The following NT5C2 variants were observed in gnomAD, a reference collection of about 807,000 sequenced individuals.
The protein encoded by NT5C2 is 5'-nucleotidase, cytosolic II, also known as cytosolic purine 5'-nucleotidase.
A neutral mutation model predicts 76.1 loss-of-function variants in NT5C2; 58 were observed. The ratio of observed to expected loss-of-function variants is 0.76; its 90% CI spans 0.62 to 0.95. The LOEUF (loss-of-function observed/expected upper bound fraction) is 0.95, where lower values mean the gene tolerates loss of function less well. NT5C2 is among the 40% of genes least tolerant of loss of function. The pLI, the probability that NT5C2 is intolerant of heterozygous loss-of-function variation, is 0.00. For synonymous variants in NT5C2, 229 were observed against 237.4 expected (o/e 0.96, Z 0.32); for missense variants, 478 against 690.3 (o/e 0.69, Z 3.45).
At chr10:103,185,595 C>G (rs894207210) in intron 1 of NT5C2, among the ~76,000 whole-genome samples, 2 of 138,746 alleles carry the variant, frequency 1.4e-5, no homozygotes, top group Non-Finnish European at 3.0e-5. Flanking sequence ...TTGCGTGAGC[C>G]AAGATCGCAC....
intron 3 of NT5C2, chr10:103,146,033 A>T (rs2081414400): frequency 1.0e-6 from 1 of 984,564 alleles, no homozygotes; most frequent in African/African-American, 1.7e-5. Context: ...GTATTACCTC[A>T]TCTGTCACTG....
chr10:103,158,817 T>TAA (rs201330746), intron 3 of NT5C2, among the ~76,000 whole-genome samples: 2 of 125,016 alleles, frequency 1.6e-5, no homozygotes, highest in African/African-American at 2.9e-5. Flanking sequence ...GACTCTTATC[T>TAA]AAAAAAAAAA....
chr10:103,148,455 G>A (rs2081874021), intron 3 of NT5C2, among the ~76,000 whole-genome samples: 1 of 152,222 alleles, frequency 6.6e-6, no homozygotes, highest in East Asian at 1.9e-4. Flanking sequence ...AAAAAAATTA[G>A]CCGGGCATGG....
At chr10:103,141,137 A>C (rs982415031) in intron 3 of NT5C2, among the ~76,000 whole-genome samples, 1 of 152,230 alleles carries the variant, frequency 6.6e-6, no homozygotes, top group African/African-American at 2.4e-5. Flanking sequence ...CTTCTCATTT[A>C]AATACCAATA....
At chr10:103,121,682 C>T (rs1193042827) in intron 4 of NT5C2, among the ~76,000 whole-genome samples, 1 of 152,134 alleles carries the variant, frequency 6.6e-6, no homozygotes, top group Non-Finnish European at 1.5e-5. Context: ...CCCCGGTACT[C>T]TTAACAGCTT....
chr10:103,098,417 C>T (rs536842115), intron 10 of NT5C2: 12 of 205,586 alleles, frequency 5.8e-5, no homozygotes, highest in African/African-American at 2.9e-4. Flanking sequence ...CATATATGCA[C>T]ATTTTTGAGA....
chr10:103,093,816 C>T lies in NT5C2; in HGVS notation c.988+156G>A, dbSNP rs568352986. 9 of 591,270 alleles carry T rather than the reference C, an allele frequency of 1.5e-5. No homozygotes were observed. The South Asian group carries it at 2.1e-4, about 14-fold the overall frequency. The allele number at this position is 591,270 out of a possible 1,614,324, so 36.6% of individuals were successfully genotyped here. A position where few individuals can be genotyped will look rare whatever the true frequency, so the allele number is the denominator to read the frequency against. On this transcript the variant is annotated intron_variant, in intron 14 of 18. Coordinates refer to ENST00000404739, the MANE Select transcript of NT5C2 (RefSeq NM_001351169.2). Reference sequence around the variant, plus strand: ...ATACTAACAACTGCTCAAACCCAGACTCCTATTGCATTAAGAGGTGACTAA... The same window carrying T: ...ATACTAACAACTGCTCAAACCCAGATTCCTATTGCATTAAGAGGTGACTAA...
chr10:103,094,247 T>G (rs915662679), intron 13 of NT5C2, 101 bp downstream of exon 13: 7 of 671,806 alleles, frequency 1.0e-5, no homozygotes, highest in Admixed American at 9.3e-5. Context: ...TACGGCTAAT[T>G]AAAAAAAAAA....
At chr10:103,178,373 C>T (rs1051819782) in intron 2 of NT5C2, among the ~76,000 whole-genome samples, 5 of 151,890 alleles carry the variant, frequency 3.3e-5, no homozygotes, top group African/African-American at 1.2e-4. Flanking sequence ...GGCAAAAACC[C>T]ATCTCTACAA....
At chr10:103,188,545 T>C (rs752793151) in intron 1 of NT5C2, among the ~76,000 whole-genome samples, 2 of 152,182 alleles carry the variant, frequency 1.3e-5, no homozygotes, top group Non-Finnish European at 2.9e-5. Context: ...TGGGATTCAC[T>C]TTCCCCATCT....
chr10:103,149,308 G>A (rs990463066), intron 3 of NT5C2, among the ~76,000 whole-genome samples: 18 of 152,128 alleles, frequency 1.2e-4, no homozygotes, highest in Non-Finnish European at 1.5e-5. Context: ...TGATAATGCA[G>A]ACTCTCTTTC....
At chr10:103,129,483 C>A (rs1443310677) in intron 4 of NT5C2, among the ~76,000 whole-genome samples, 7 of 109,012 alleles carry the variant, frequency 6.4e-5, no homozygotes, top group Non-Finnish European at 7.8e-5. Context: ...ATGGGGGGGT[C>A]AGCCCCCCCA....
rs1239145078 is a variant in NT5C2, at chr10:103,189,997, C to CTTT, written c.-169+3236_-169+3238dup. Among the ~76,000 whole-genome samples the CTTT allele has an allele frequency of 2.2e-3, 237 of 107,992 alleles. 6 individuals carry two copies. Among genetic ancestry groups the CTTT allele is most frequent in the East Asian group, 0.011 (41 of 3,628 alleles). The allele number at this position is 107,992 out of a possible 152,430, so 70.8% of individuals were successfully genotyped here. A position where few individuals can be genotyped will look rare whatever the true frequency, so the allele number is the denominator to read the frequency against. Reference sequence around the variant, plus strand: ...TTTGCCGCATTAATTTTGTGGCTTTCTTTTTTTTTTTTTTTTTTTTTGAGA... The same window carrying CTTT: ...TTTGCCGCATTAATTTTGTGGCTTTCTTTTTTTTTTTTTTTTTTTTTTTTGAGA... On this transcript the variant is annotated intron_variant, in intron 1 of 18. Transcript: ENST00000404739.
chr10:103,095,239 G>A (rs1308694580), intron 12 of NT5C2, among the ~76,000 whole-genome samples: 2 of 152,174 alleles, frequency 1.3e-5, no homozygotes, highest in East Asian at 3.8e-4. Context: ...CACAGTGTAA[G>A]CTAATCACAA....
intron 1 of NT5C2, among the ~76,000 whole-genome samples, chr10:103,185,780 C>A (rs551423597): frequency 8.6e-5 from 13 of 151,500 alleles, no homozygotes; most frequent in Admixed American, 7.9e-4. Flanking sequence ...TTTCCTGTTA[C>A]AAAATAATTT....
chr10:103,161,385 C>G (rs2084839895), intron 3 of NT5C2, among the ~76,000 whole-genome samples: 1 of 151,978 alleles, frequency 6.6e-6, no homozygotes, highest in Non-Finnish European at 1.5e-5. Context: ...GCTATGTTGC[C>G]CAGGCTAGTC....
chr10:103,128,066 TCCC>T (rs2077025144), intron 4 of NT5C2, among the ~76,000 whole-genome samples: 2 of 149,926 alleles, frequency 1.3e-5, no homozygotes, highest in East Asian at 2.0e-4. Flanking sequence ...CCTCTCCCTC[TCCC>T]TCTCCCTCTC....
At chr10:103,181,996 C>T (rs750368985) in intron 1 of NT5C2, among the ~76,000 whole-genome samples, 4 of 148,586 alleles carry the variant, frequency 2.7e-5, no homozygotes, top group Non-Finnish European at 5.9e-5. Context: ...GGCAACAGAG[C>T]GAGACTCTAT....
chr10:103,096,673 G>A (rs969205115), intron 11 of NT5C2, among the ~76,000 whole-genome samples: 24 of 151,642 alleles, frequency 1.6e-4, no homozygotes, highest in Middle Eastern at 3.4e-3. Flanking sequence ...TTAAAACCTC[G>A]TCTCTACTAA....
Sources: gnomAD v4.1 joint callset for allele counts (sites outside exome capture counted in the v4.1 genomes callset) on GRCh38, gnomAD v4.1.1 for gene constraint, MANE v1.5 for transcripts, NCBI Gene and HGNC (gene_info 2026-07-23, HGNC 2026-07-21) for gene names.